MYCBP2: variants seen among roughly 807,000 people sequenced by gnomAD.
MYCBP2 encodes E3 ubiquitin-protein ligase MYCBP2.
In MYCBP2, 120 loss-of-function variants were observed where a neutral mutation model predicts 525.3. The observed-to-expected ratio is 0.23, with a 90% CI of 0.20 to 0.27. The LOEUF is 0.27. Among genes scored for constraint, MYCBP2 ranks in the 10% least tolerant of loss-of-function variants. The pLI is 1.00. For synonymous variants in MYCBP2, 1,894 were observed against 1,955.8 expected (o/e 0.97, Z 0.83); for missense variants, 4,149 against 5,657.1 (o/e 0.73, Z 8.55).
At chr13:77,106,739 AT>A (rs995210482) in intron 55 of MYCBP2, among the ~76,000 whole-genome samples, 26 of 150,736 alleles carry the variant, frequency 1.7e-4, no homozygotes, top group African/African-American at 6.1e-4. Context: ...TTTCTTTCCA[AT>A]TTTTTTCTTT....
At chr13:77,275,416 C>T (rs1224437578) in intron 4 of MYCBP2, among the ~76,000 whole-genome samples, 1 of 152,152 alleles carries the variant, frequency 6.6e-6, no homozygotes, top group African/African-American at 2.4e-5. Context: ...TCCTTTCTGT[C>T]TCAGAGCCTT....
intron 55 of MYCBP2, among the ~76,000 whole-genome samples, chr13:77,112,196 C>T (rs1360919294): frequency 1.3e-5 from 2 of 151,412 alleles, no homozygotes; most frequent in Non-Finnish European, 2.9e-5. Context: ...AATATACATA[C>T]TTCTTTCTTG....
At chr13:77,071,310 A>ACACACAC (rs1417944112) in intron 68 of MYCBP2, among the ~76,000 whole-genome samples, 71 of 85,904 alleles carry the variant, frequency 8.3e-4, no homozygotes, top group African/African-American at 2.0e-3. Flanking sequence ...CACACACACA[A>ACACACAC]ATCTTATCTA....
chr13:77,083,810 T>C (rs2043741925), intron 62 of MYCBP2, among the ~76,000 whole-genome samples: 1 of 151,944 alleles, frequency 6.6e-6, no homozygotes, highest in African/African-American at 2.4e-5. Context: ...TCAAGAGGTA[T>C]AAAAAAATAC....
At chr13:77,158,475 C>A (rs1177576904) in intron 44 of MYCBP2, among the ~76,000 whole-genome samples, 1 of 152,122 alleles carries the variant, frequency 6.6e-6, no homozygotes, top group Non-Finnish European at 1.5e-5. Flanking sequence ...GAGACAGGGC[C>A]TTACTCTGCC....
chr13:77,270,386 T>C lies in MYCBP2; in HGVS notation c.1098A>G (p.Gln366=), dbSNP rs1374657817. The part of the protein sequence containing the change: ...LKEISVDEDD[Q]CLLQNDGFFL... ...AAAATCCATCATTCTGAAGTAGACA[T>C]TGGTCATCTTCATCAACAGATATTT... Residue 366 remains glutamine, a synonymous_variant, in exon 6 of 83, where the codon CAA becomes CAG. Coordinates refer to ENST00000544440, the MANE Select transcript of MYCBP2 (RefSeq NM_015057.5). 8 of 1,613,562 alleles carry C rather than the reference T, an allele frequency of 5.0e-6. No homozygotes were observed. The highest frequency in any genetic ancestry group is 2.2e-5 in the East Asian group (1 of 44,796).
At chr13:77,087,728 GAA>G (rs2044590852) in intron 61 of MYCBP2, 95 bp from the exon 62 acceptor site, 2 of 1,033,412 alleles carry the variant, frequency 1.9e-6, no homozygotes, top group Non-Finnish European at 2.8e-6. Flanking sequence ...AGACTTCAAA[GAA>G]AGATACTAGA....
rs2154116511 is a variant in MYCBP2 at position 77,088,740 on chromosome 13, A to G, written c.10725+92T>C. 2.6e-6 allele frequency: 3 copies of G among 1,146,834 alleles called. No individual in the cohort carries two copies. The East Asian group carries it at 7.2e-5, about 28-fold the overall frequency. 71.0% of individuals were successfully genotyped at this position (1,146,834 alleles called of 1,614,324 possible). ...GGCTAATGCCTTTTAATTTCACACAATTTCTGTTGGTAAAAAAGTGGCATC... is the reference window on the plus strand; with the variant it reads ...GGCTAATGCCTTTTAATTTCACACAGTTTCTGTTGGTAAAAAAGTGGCATC... On this transcript the variant is annotated intron_variant, in intron 61 of 82. Coordinates refer to ENST00000544440, the MANE Select transcript of MYCBP2 (RefSeq NM_015057.5).
intron 34 of MYCBP2, among the ~76,000 whole-genome samples, chr13:77,179,772 T>C (rs763232341): frequency 2.0e-5 from 3 of 152,238 alleles, no homozygotes; most frequent in Non-Finnish European, 4.4e-5. Flanking sequence ...ACACTATGTG[T>C]GCACTATGAG....
chr13:77,326,462 C>T lies in MYCBP2; in HGVS notation c.302+12G>A. 1 of 1,543,744 alleles carries T rather than the reference C, an allele frequency of 6.5e-7. No homozygotes were observed. Among genetic ancestry groups the T allele is most frequent in the South Asian group, 1.2e-5 (1 of 83,916 alleles). On this transcript the variant is annotated intron_variant, in intron 1 of 82. Coordinates refer to ENST00000544440, the MANE Select transcript of MYCBP2 (RefSeq NM_015057.5). The surrounding 1 kb of genome is among the most constrained non-coding windows in gnomAD (Gnocchi z 4.2). ...GGCATGGGGCGCAAGGAAGGGCACC[C>T]TGGGGACGCACCTGGAGGCTGGGTG...
At chr13:77,312,835 G>C (rs1247873451) in intron 1 of MYCBP2, among the ~76,000 whole-genome samples, 1 of 151,556 alleles carries the variant, frequency 6.6e-6, no homozygotes, top group Non-Finnish European at 1.5e-5. Context: ...CTTTTTTTAA[G>C]GGCAAGGTTC....
intron 30 of MYCBP2, among the ~76,000 whole-genome samples, chr13:77,186,660 T>C (rs2154253186): frequency 6.6e-6 from 1 of 152,276 alleles, no homozygotes; most frequent in South Asian, 2.1e-4. Context: ...GAGTTTAAGA[T>C]GGTAGATTTT....
intron 52 of MYCBP2, among the ~76,000 whole-genome samples, chr13:77,137,946 A>G (rs942383158): frequency 2.6e-5 from 4 of 151,492 alleles, no homozygotes; most frequent in Non-Finnish European, 4.4e-5. Context: ...TCTATATTGG[A>G]AAAAAAAACT....
chr13:77,136,931 T>G (rs1053134455), intron 52 of MYCBP2, among the ~76,000 whole-genome samples: 4 of 152,292 alleles, frequency 2.6e-5, no homozygotes, highest in African/African-American at 4.8e-5. Context: ...AATTTCTCCC[T>G]TTTTCTACTA....
chr13:77,188,038 T>G (rs1034057897), intron 30 of MYCBP2, among the ~76,000 whole-genome samples: 3 of 134,298 alleles, frequency 2.2e-5, no homozygotes, highest in Non-Finnish European at 4.5e-5. Flanking sequence ...GCCACTGCAC[T>G]CCAGCCTGGG....
At chr13:77,247,150 A>G (rs2070183221) in intron 15 of MYCBP2, among the ~76,000 whole-genome samples, 1 of 152,210 alleles carries the variant, frequency 6.6e-6, no homozygotes, top group Admixed American at 6.5e-5. Context: ...TCCAAAGCAG[A>G]AAGGAAGAAG....
intron 47 of MYCBP2, among the ~76,000 whole-genome samples, chr13:77,147,585 TAAAA>T (rs1329965512): frequency 6.6e-6 from 1 of 152,048 alleles, no homozygotes; most frequent in African/African-American, 2.4e-5. Context: ...TTTGTTTTCA[TAAAA>T]ATGAATTAGA....
At chr13:77,267,996 C>A in intron 7 of MYCBP2, 59 bp from the exon 8 acceptor site, 1 of 1,024,742 alleles carries the variant, frequency 9.8e-7, no homozygotes, top group South Asian at 1.3e-5. Context: ...GCAGAAACAG[C>A]AGCCATACAG....
intron 43 of MYCBP2, among the ~76,000 whole-genome samples, chr13:77,163,713 T>C (rs1476578584): frequency 6.6e-6 from 1 of 152,226 alleles, no homozygotes; most frequent in Non-Finnish European, 1.5e-5. Flanking sequence ...CGCCCTTCCT[T>C]ACTTTCCATT....
Sources: gnomAD v4.1 joint callset for allele counts (sites outside exome capture counted in the v4.1 genomes callset) on GRCh38, gnomAD v4.1.1 for gene constraint, Gnocchi (gnomAD v3.1) non-coding constraint, MANE v1.5 for transcripts, NCBI Gene and HGNC (gene_info 2026-07-23, HGNC 2026-07-21) for gene names.